The following DNAH8 variants were observed in gnomAD, a reference collection of about 807,000 sequenced individuals.
DNAH8 encodes the protein axonemal beta dynein heavy chain 8.
Under a neutral mutation model 562.1 loss-of-function variants are expected in DNAH8, and 382 were observed. That is an observed-to-expected ratio of 0.68 (90% CI 0.63 to 0.74). The LOEUF (loss-of-function observed/expected upper bound fraction) is 0.74, where lower values mean the gene tolerates loss of function less well. Among genes scored for constraint, DNAH8 ranks in the 30% least tolerant of loss-of-function variants. The probability of loss-of-function intolerance (pLI) is 0.00; values close to 1 mark genes in which losing one functional copy is unlikely to be tolerated. For missense variants in DNAH8, 5,203 were observed against 5,620.4 expected (o/e 0.93, Z 2.37); for synonymous variants, 1,881 against 1,919.4 (o/e 0.98, Z 0.52).
intron 42 of DNAH8, among the ~76,000 whole-genome samples, chr6:38,858,423 T>C (rs6934064): frequency 0.43 from 64,955 of 152,100 alleles, 14,503 homozygotes; most frequent in East Asian, 0.69. Context: ...CTGCCTGTTT[T>C]GAAGTTTTAC....
At chr6:38,962,406 C>T (rs192363171) in intron 82 of DNAH8, among the ~76,000 whole-genome samples, 1 of 152,080 alleles carries the variant, frequency 6.6e-6, no homozygotes, top group East Asian at 1.9e-4. Context: ...TTATCAAATG[C>T]CAATAATTTT....
At chr6:38,847,122 C>G (rs1332233856) in intron 36 of DNAH8, among the ~76,000 whole-genome samples, 1 of 152,100 alleles carries the variant, frequency 6.6e-6, no homozygotes, top group Non-Finnish European at 1.5e-5. Context: ...TAAGACTTGA[C>G]TGTAGGTATT....
In DNAH8 at chr6:38,729,964, A is replaced by G. The variant is rs1763537143; in HGVS notation, c.588A>G (p.Gln196=). The part of the protein sequence containing the change: ...DGCKTLKFLY[Q]EGDVPGIECG... Reference sequence around the variant, plus strand: ...GTAAGACACTGAAATTTTTGTACCAAGAAGGAGATGTACCTGGTATTGGTA... The same window carrying G: ...GTAAGACACTGAAATTTTTGTACCAGGAAGGAGATGTACCTGGTATTGGTA... The change falls in exon 4 of 93, where the codon CAA becomes CAG. Residue 196 remains glutamine (Q), a synonymous_variant. Transcript: ENST00000327475. 4 of 1,591,940 alleles carry G rather than the reference A, an allele frequency of 2.5e-6. No individual in the cohort carries two copies. The highest frequency in any genetic ancestry group is 3.4e-6 in the Non-Finnish European group (4 of 1,162,862).
At chr6:38,853,114 A>T in intron 40 of DNAH8, 72 bp from the exon 41 acceptor site, 1 of 1,153,596 alleles carries the variant, frequency 8.7e-7, no homozygotes, top group Non-Finnish European at 1.2e-6. Flanking sequence ...ATGATTTATT[A>T]AGTGTGCATG....
chr6:38,906,130 A>G, intron 62 of DNAH8, 124 bp from the exon 63 acceptor site: 1 of 489,428 alleles, frequency 2.0e-6, no homozygotes. Context: ...GATGGTCTCG[A>G]TCTCCTGACC....
intron 45 of DNAH8, among the ~76,000 whole-genome samples, chr6:38,866,066 CTTT>C (rs942210451): frequency 1.3e-5 from 2 of 152,178 alleles, no homozygotes; most frequent in African/African-American, 2.4e-5. Flanking sequence ...TCATTCCCTT[CTTT>C]ATTTCCCCTC....
intron 41 of DNAH8, 49 bp downstream of exon 41, chr6:38,853,396 G>A (rs750345472): frequency 2.5e-6 from 4 of 1,588,162 alleles, no homozygotes; most frequent in African/African-American, 2.7e-5. Flanking sequence ...TGGAAATAAA[G>A]GGGAAGGATG....
intron 60 of DNAH8, 69 bp from the exon 61 acceptor site, chr6:38,898,189 T>G (rs1583301617): frequency 1.4e-6 from 2 of 1,380,640 alleles, no homozygotes; most frequent in East Asian, 5.1e-5. Flanking sequence ...TTGAGTGTCT[T>G]TACAATTGCT....
chr6:39,009,301 TA>T (rs66901983), intron 89 of DNAH8, among the ~76,000 whole-genome samples: 24,170 of 148,506 alleles, frequency 0.16, 2,015 homozygotes, highest in Middle Eastern at 0.26. Flanking sequence ...TAAGCTGTGC[TA>T]AAAAAAAAAA....
rs990961939 is a variant in DNAH8, at chr6:38,940,847, G to A, written c.12007+1859G>A. ...GAAAAGATAACCTAGGCCGGGCGCGGTGGCTAATGCCTGTAATCCCAGCAC... is the reference window on the plus strand; with the variant it reads ...GAAAAGATAACCTAGGCCGGGCGCGATGGCTAATGCCTGTAATCCCAGCAC... On this transcript the variant is annotated intron_variant, in intron 79 of 92. Coordinates refer to ENST00000327475, the MANE Select transcript of DNAH8 (RefSeq NM_001206927.2). 3.9e-5 allele frequency among the ~76,000 whole-genome samples: 6 copies of A among 152,204 alleles called. No homozygotes were observed. In the South Asian group the frequency reaches 1.2e-3, roughly 31 times the overall value.
chr6:38,815,059 T>A (rs528489164), intron 25 of DNAH8, among the ~76,000 whole-genome samples: 2 of 152,342 alleles, frequency 1.3e-5, no homozygotes, highest in East Asian at 3.9e-4. Context: ...TTCAAAGAAC[T>A]GAGGTCAGAA....
chr6:38,990,490 C>T (rs1764707139), intron 88 of DNAH8, among the ~76,000 whole-genome samples: 1 of 152,150 alleles, frequency 6.6e-6, no homozygotes, highest in African/African-American at 2.4e-5. Flanking sequence ...GAGTGGTCTG[C>T]CAGCTCCTCA....
intron 88 of DNAH8, among the ~76,000 whole-genome samples, chr6:39,008,175 AC>A (rs780660686): frequency 6.6e-6 from 1 of 152,026 alleles, no homozygotes; most frequent in African/African-American, 2.4e-5. Flanking sequence ...AGAGAACAGA[AC>A]TATGTCCTAT....
chr6:38,777,721 C>T (rs1037573998), intron 13 of DNAH8, among the ~76,000 whole-genome samples: 1 of 152,164 alleles, frequency 6.6e-6, no homozygotes, highest in Non-Finnish European at 1.5e-5. Context: ...CATGAGCCAC[C>T]ACTCTGGGCC....
chr6:38,853,430 G>C, intron 41 of DNAH8, 83 bp downstream of exon 41: 6 of 1,444,660 alleles, frequency 4.2e-6, no homozygotes, highest in Non-Finnish European at 5.7e-6. Context: ...TGACCTGATG[G>C]TGTGAGGCAA....
At chr6:38,848,572 G>C in intron 36 of DNAH8, 76 bp from the exon 37 acceptor site, 3 of 1,194,820 alleles carry the variant, frequency 2.5e-6, no homozygotes, top group Non-Finnish European at 3.6e-6. Context: ...TATTTCTTCT[G>C]GAATTTACTT....
At chr6:38,728,869 T>C (rs1042537000) in intron 3 of DNAH8, among the ~76,000 whole-genome samples, 5 of 152,166 alleles carry the variant, frequency 3.3e-5, no homozygotes, top group Non-Finnish European at 7.4e-5. Flanking sequence ...GAGGAGTGGC[T>C]TTGCTACACT....
intron 58 of DNAH8, 104 bp downstream of exon 58, chr6:38,890,865 T>G: frequency 1.3e-6 from 1 of 769,304 alleles, no homozygotes; most frequent in East Asian, 2.6e-5. Context: ...TATAGTGGTG[T>G]TTTTTGGAAA....
chr6:38,926,070 C>T lies in DNAH8; in HGVS notation c.10978C>T (p.Leu3660=), dbSNP rs1425448313. The change falls in exon 74 of 93, where the codon CTA becomes TTA. Residue 3660 remains leucine, a synonymous_variant. Coordinates refer to ENST00000327475, the MANE Select transcript of DNAH8 (RefSeq NM_001206927.2). The part of the protein sequence containing the change: ...VDPPTIGEWG[L]QGLPGDDLSI... ...TGTTGTTCAGATTGGTGAGTGGGGG[C>T]TACAGGGATTACCAGGAGATGATCT... 2 of 1,613,286 alleles carry T rather than the reference C, an allele frequency of 1.2e-6. No homozygotes were observed. Among genetic ancestry groups the T allele is most frequent in the African/African-American group, 2.7e-5 (2 of 74,910 alleles).
Sources: allele counts gnomAD v4.1 joint callset (sites outside exome capture counted in the v4.1 genomes callset), GRCh38; gene constraint gnomAD v4.1.1; transcripts MANE v1.5; gene names NCBI Gene and HGNC (gene_info 2026-07-23, HGNC 2026-07-21).